Variants in BEND3 observed in about 807,000 individuals in gnomAD.
The protein encoded by BEND3 is BEN domain-containing protein 3.
A neutral mutation model predicts 60.1 loss-of-function variants in BEND3; 13 were observed. The observed-to-expected ratio is 0.22, with a 90% confidence interval of 0.14 to 0.34. BEND3 has a LOEUF of 0.34. BEND3 is among the 10% of genes least tolerant of loss of function. BEND3 has a pLI of 1.00. For missense variants in BEND3, 896 were observed against 1,138.1 expected (o/e 0.79, Z 3.06); for synonymous variants, 497 against 491.5 (o/e 1.01, Z -0.15).
At chr6:107,080,223 CCT>C (rs1282265497) in intron 3 of BEND3, among the ~76,000 whole-genome samples, 15 of 151,734 alleles carry the variant, frequency 9.9e-5, no homozygotes, top group African/African-American at 3.4e-4. Context: ...ATGGCAAACC[CCT>C]GTCATTACAA....
intron 3 of BEND3, among the ~76,000 whole-genome samples, chr6:107,084,050 C>T (rs1231419460): frequency 6.6e-6 from 1 of 152,236 alleles, no homozygotes; most frequent in Non-Finnish European, 1.5e-5. Context: ...AAGGAAAAAG[C>T]TGAACAAACT....
rs782751789 is a variant in BEND3 at position 107,069,396 on chromosome 6, C to T, written c.1795G>A (p.Gly599Ser). The T allele has an allele frequency of 1.9e-6, 3 of 1,612,580 alleles. No homozygotes were observed. The highest frequency in any genetic ancestry group is 1.7e-6 in the Non-Finnish European group (2 of 1,179,816). The part of the protein sequence containing the change: ...ENLRKQYNCS[G>S]SLGKKQLDPS... ...TCCAGCTGCTTCTTGCCCAGGGAGCCGCTGCAGTTGTACTGCTTGCGCAGG... is the reference window on the plus strand; with the variant it reads ...TCCAGCTGCTTCTTGCCCAGGGAGCTGCTGCAGTTGTACTGCTTGCGCAGG... Residue 599 changes from glycine (G) to serine (S), a missense_variant, in exon 4 of 4, where the codon GGC becomes AGC. Physicochemically the swap from Gly to Ser is moderately conservative, Grantham distance 56 (BLOSUM62 0). Around this residue, in one of 4 missense-constraint regions of BEND3, gnomAD observed 846 missense variants for 1,036.7 expected, o/e 0.82. Transcript: ENST00000369042.
At chr6:107,104,273 G>A (rs1416467841) in intron 1 of BEND3, among the ~76,000 whole-genome samples, 2 of 129,992 alleles carry the variant, frequency 1.5e-5, no homozygotes, top group African/African-American at 6.0e-5. Flanking sequence ...CTGGGCGACA[G>A]AGCGAGACTC....
intron 3 of BEND3, among the ~76,000 whole-genome samples, chr6:107,081,364 A>G (rs1582649486): frequency 1.3e-5 from 2 of 151,376 alleles, no homozygotes; most frequent in Admixed American, 1.3e-4. Flanking sequence ...GGGATTACAG[A>G]CGCCCACCAC....
At chr6:107,085,648 C>T (rs781866118) in intron 3 of BEND3, among the ~76,000 whole-genome samples, 5 of 151,916 alleles carry the variant, frequency 3.3e-5, no homozygotes, top group East Asian at 1.9e-4. Flanking sequence ...CCTGCCACCA[C>T]GCCTGACTAA....
chr6:107,069,919 G>A lies in BEND3; in HGVS notation c.1272C>T (p.Asp424=). 6.2e-7 allele frequency: 1 copy of A among 1,613,852 alleles called. No individual in the cohort carries two copies. Among genetic ancestry groups the A allele is most frequent in the Admixed American group, 1.7e-5 (1 of 60,024 alleles). The part of the protein sequence containing the change: ...LLHRLFPELF[D]HRKLGEQYSC... ...TGTACTGTTCACCCAGCTTGCGGTG[G>A]TCGAAGAGCTCGGGGAAGAGCCGGT... Residue 424 remains aspartate, a synonymous_variant, in exon 4 of 4, where the codon GAC becomes GAT. Transcript: ENST00000369042.
At chr6:107,105,127 T>G (rs1218477552) in intron 1 of BEND3, among the ~76,000 whole-genome samples, 1 of 151,826 alleles carries the variant, frequency 6.6e-6, no homozygotes, top group Non-Finnish European at 1.5e-5. Flanking sequence ...AATCCCAGCA[T>G]TTTGGGAGGC....
intron 1 of BEND3, among the ~76,000 whole-genome samples, chr6:107,109,992 C>A (rs1430802929): frequency 6.7e-6 from 1 of 148,254 alleles, no homozygotes; most frequent in African/African-American, 2.5e-5. Context: ...GATCGTGCCA[C>A]TGCACTCCAT....
rs1774854393 is a variant in BEND3 at position 107,067,349 on chromosome 6, A to C, written c.*1355T>G. The C allele has an allele frequency of 6.6e-6, 1 of 152,182 alleles. No homozygotes were observed. The highest frequency in any genetic ancestry group is 2.1e-4 in the South Asian group (1 of 4,828). 9.4% of individuals were successfully genotyped at this position (152,182 alleles called of 1,614,324 possible). A position where few individuals can be genotyped will look rare whatever the true frequency, so the allele number is the denominator to read the frequency against. On this transcript the variant is annotated 3_prime_UTR_variant, in exon 4 of 4. Coordinates refer to ENST00000369042, the MANE Select transcript of BEND3 (RefSeq NM_001367314.1). ...TTTCCCTCTTAAGCATTTGGCCCCC[A>C]GAGTTAGGTAGGTAAAAGTATCATT...
At chr6:107,104,865 A>G (rs1775780056) in intron 1 of BEND3, among the ~76,000 whole-genome samples, 1 of 151,694 alleles carries the variant, frequency 6.6e-6, no homozygotes, top group Non-Finnish European at 1.5e-5. Context: ...GGGCCTCCCT[A>G]CGTTGCCCAA....
At chr6:107,073,331 A>C (rs547597751) in intron 3 of BEND3, among the ~76,000 whole-genome samples, 2 of 142,704 alleles carry the variant, frequency 1.4e-5, no homozygotes, top group Non-Finnish European at 3.0e-5. Flanking sequence ...TCCCCTCTAC[A>C]GCACTCACAG....
intron 3 of BEND3, among the ~76,000 whole-genome samples, chr6:107,095,411 C>T (rs1775564519): frequency 6.6e-6 from 1 of 152,138 alleles, no homozygotes; most frequent in African/African-American, 2.4e-5. Flanking sequence ...AATCCGAACA[C>T]TGACAACAGC....
Position 107,065,439 on chromosome 6 carries a change from A to G in BEND3, c.*3265T>C, listed in dbSNP as rs1237449825. On this transcript the variant is annotated 3_prime_UTR_variant, in exon 4 of 4. Coordinates refer to ENST00000369042, the MANE Select transcript of BEND3 (RefSeq NM_001367314.1). The stretch of plus-strand genomic sequence containing the variant: ...TCCACTTTGTGCAGGGTCTGCTATT[A>G]CTAGGATGTCAGAAAAACATTAAGG... 6.6e-6 allele frequency: 1 copy of G among 152,536 alleles called. No homozygotes were observed. Among genetic ancestry groups the G allele is most frequent in the African/African-American group, 2.4e-5 (1 of 41,446 alleles). 9.4% of individuals were successfully genotyped at this position (152,536 alleles called of 1,614,324 possible).
In BEND3 at chr6:107,098,544, C is replaced by T. The variant is rs1474708536; in HGVS notation, c.240+7G>A. The T allele has an allele frequency of 6.2e-7, 1 of 1,611,152 alleles. No individual in the cohort carries two copies. The stretch of plus-strand genomic sequence containing the variant: ...CAAGCAAAGAGTGACAGCAGCTAGG[C>T]CCTCACCTCGGGGATCAGCCGCCTC... On this transcript the variant is annotated splice_region_variant and intron_variant, in intron 3 of 3. Coordinates refer to ENST00000369042, the MANE Select transcript of BEND3 (RefSeq NM_001367314.1).
intron 3 of BEND3, among the ~76,000 whole-genome samples, chr6:107,083,827 G>A (rs1421804022): frequency 6.6e-6 from 1 of 152,156 alleles, no homozygotes; most frequent in South Asian, 2.1e-4. Flanking sequence ...CATGGCTCAC[G>A]CCTGTAATCC....
At chr6:107,088,008 T>C (rs1343501425) in intron 3 of BEND3, among the ~76,000 whole-genome samples, 42 of 112,564 alleles carry the variant, frequency 3.7e-4, no homozygotes, top group African/African-American at 9.0e-4. Flanking sequence ...TGAAGAGCCC[T>C]TTTTTTTTTT....
At chr6:107,083,534 G>C (rs770640826) in intron 3 of BEND3, among the ~76,000 whole-genome samples, 2 of 152,094 alleles carry the variant, frequency 1.3e-5, no homozygotes, top group African/African-American at 4.8e-5. Context: ...ATATTTGGGA[G>C]GCTGAGGTGG....
intron 3 of BEND3, among the ~76,000 whole-genome samples, chr6:107,092,826 C>T (rs1190926852): frequency 6.6e-6 from 1 of 152,064 alleles, no homozygotes; most frequent in African/African-American, 2.4e-5. Context: ...TTCCTATACA[C>T]CAGCAATAAA....
intron 1 of BEND3, among the ~76,000 whole-genome samples, chr6:107,103,935 C>T (rs1267287948): frequency 8.0e-6 from 1 of 125,296 alleles, no homozygotes. Context: ...GCAACAAGAG[C>T]GAAACTCCGT....
Sources: gnomAD v4.1 joint callset for allele counts (sites outside exome capture counted in the v4.1 genomes callset) on GRCh38, gnomAD v4.1.1 for gene constraint, gnomAD v4.1.1 regional missense constraint, MANE v1.5 for transcripts, NCBI Gene and HGNC (gene_info 2026-07-23, HGNC 2026-07-21) for gene names.